The following PDE4D variants were observed in gnomAD, a reference collection of about 807,000 sequenced individuals.
PDE4D encodes 3',5'-cyclic-AMP phosphodiesterase 4D.
PDE4D carries 24 observed loss-of-function variants against 87.4 expected under a neutral mutation model. The observed-to-expected ratio is 0.27, with a 90% confidence interval of 0.20 to 0.39. The LOEUF is 0.39. Ranked by LOEUF, PDE4D falls within the 10% of genes least tolerant of loss-of-function variation. The pLI is 1.00. For synonymous variants in PDE4D, 384 were observed against 383.2 expected, an observed-to-expected ratio of 1.00 and a Z score of -0.02; for missense variants, 714 against 1,041.0, an observed-to-expected ratio of 0.69 and a Z score of 4.32.
intron 1 of PDE4D, among the ~76,000 whole-genome samples, chr5:59,811,585 G>T (rs898516547): frequency 6.6e-6 from 1 of 152,118 alleles, no homozygotes; most frequent in African/African-American, 2.4e-5. Context: ...ATGAGCTCAG[G>T]TTTCCAGAAA....
intron 3 of PDE4D, among the ~76,000 whole-genome samples, chr5:59,940,662 A>C (rs528391340): frequency 1.3e-5 from 2 of 152,294 alleles, no homozygotes; most frequent in African/African-American, 4.8e-5. Flanking sequence ...CCTTTGAGAC[A>C]TATGGATAGA....
intron 1 of PDE4D, among the ~76,000 whole-genome samples, chr5:59,316,570 C>T (rs1773788456): frequency 6.6e-6 from 1 of 152,074 alleles, no homozygotes; most frequent in African/African-American, 2.4e-5. Context: ...AAACTGTACT[C>T]ACATGTTCAG....
At chr5:60,150,908 C>T (rs1392992010) in intron 2 of PDE4D, among the ~76,000 whole-genome samples, 2 of 152,152 alleles carry the variant, frequency 1.3e-5, no homozygotes, top group African/African-American at 4.8e-5. Context: ...ATCACAGCCC[C>T]TTATCATAAA....
At chr5:60,156,881 G>A (rs900477520) in intron 2 of PDE4D, among the ~76,000 whole-genome samples, 1 of 152,032 alleles carries the variant, frequency 6.6e-6, no homozygotes, top group Non-Finnish European at 1.5e-5. Flanking sequence ...ATGAAAGAGA[G>A]TTGTCATAAT....
chr5:59,978,836 A>G (rs768337894), intron 3 of PDE4D, among the ~76,000 whole-genome samples: 2 of 152,196 alleles, frequency 1.3e-5, no homozygotes, highest in Non-Finnish European at 2.9e-5. Flanking sequence ...TTGATCAGTC[A>G]GCAGTCATGA....
intron 1 of PDE4D, among the ~76,000 whole-genome samples, chr5:60,238,297 A>C (rs2149648583): frequency 6.6e-6 from 1 of 152,086 alleles, no homozygotes; most frequent in South Asian, 2.1e-4. Flanking sequence ...TTTTATTTGT[A>C]CTTTCTTCTG....
chr5:60,275,411 G>T (rs1053712904), intron 1 of PDE4D, among the ~76,000 whole-genome samples: 1 of 152,046 alleles, frequency 6.6e-6, no homozygotes, highest in Non-Finnish European at 1.5e-5. Flanking sequence ...GAAAGATGCT[G>T]CATCATCCTT....
chr5:59,336,318 A>C (rs952473580), intron 1 of PDE4D, among the ~76,000 whole-genome samples: 2 of 152,226 alleles, frequency 1.3e-5, no homozygotes, highest in East Asian at 3.8e-4. Context: ...CTTTCGTAGA[A>C]AAAATTTTGT....
At chr5:59,221,254 G>A (rs1362666388) in intron 1 of PDE4D, among the ~76,000 whole-genome samples, 1 of 152,120 alleles carries the variant, frequency 6.6e-6, no homozygotes, top group Non-Finnish European at 1.5e-5. Flanking sequence ...ATACCTTTTA[G>A]CTTCCTCACC....
At chr5:58,977,162 C>T in intron 12 of PDE4D, 29 bp downstream of exon 12, 1 of 1,587,474 alleles carries the variant, frequency 6.3e-7, no homozygotes, top group Non-Finnish European at 8.6e-7. Flanking sequence ...CATCACAGTT[C>T]TCTTCTTTGG....
At chr5:60,444,940 G>C (rs954482980) in intron 1 of PDE4D, among the ~76,000 whole-genome samples, 2 of 151,388 alleles carry the variant, frequency 1.3e-5, no homozygotes, top group African/African-American at 4.9e-5. Context: ...CACCGAAATG[G>C]TGTCTACAAA....
chr5:59,361,132 T>G (rs889242577), intron 1 of PDE4D, among the ~76,000 whole-genome samples: 6 of 152,118 alleles, frequency 3.9e-5, no homozygotes, highest in African/African-American at 1.4e-4. Flanking sequence ...ACAAAGCTCC[T>G]TCTAAAGCTT....
intron 1 of PDE4D, among the ~76,000 whole-genome samples, chr5:59,435,438 G>T (rs1441550019): frequency 2.0e-5 from 3 of 152,122 alleles, no homozygotes; most frequent in Non-Finnish European, 4.4e-5. Flanking sequence ...GCCCACTGGG[G>T]CTTCCCAAAT....
intron 1 of PDE4D, among the ~76,000 whole-genome samples, chr5:60,185,935 T>TAAA (rs1784741967): frequency 1.1e-5 from 1 of 91,188 alleles, no homozygotes. Context: ...TTTTAGTGGC[T>TAAA]GAAAAAAAAA....
intron 1 of PDE4D, among the ~76,000 whole-genome samples, chr5:60,335,967 C>T (rs1319945651): frequency 1.3e-5 from 2 of 152,182 alleles, no homozygotes; most frequent in Non-Finnish European, 2.9e-5. Flanking sequence ...AAACTATTAT[C>T]AAGCAGCTTA....
At chr5:59,858,311 A>C (rs1745759138) in intron 1 of PDE4D, among the ~76,000 whole-genome samples, 1 of 152,008 alleles carries the variant, frequency 6.6e-6, no homozygotes, top group Non-Finnish European at 1.5e-5. Context: ...TGGAGGGCCT[A>C]GAATTTCCCT....
chr5:59,590,598 C>T lies in PDE4D; in HGVS notation c.455+302570G>A, dbSNP rs190085713. On this transcript the variant is annotated intron_variant, in intron 1 of 14. Transcript: ENST00000340635. ...CATTATTTTTATCAATACAGGAGTG[C>T]GAATTATTAGCAGGGCACCACAAAT... 1.7e-3 allele frequency among the ~76,000 whole-genome samples: 254 copies of T among 152,126 alleles called. 1 individual carries two copies. The highest frequency in any genetic ancestry group is 5.6e-3 in the African/African-American group (231 of 41,500).
intron 2 of PDE4D, among the ~76,000 whole-genome samples, chr5:60,078,682 C>T (rs1773590938): frequency 6.6e-6 from 1 of 152,162 alleles, no homozygotes; most frequent in Admixed American, 6.5e-5. Flanking sequence ...TGATGGCTTC[C>T]AGCTTCATCC....
intron 1 of PDE4D, among the ~76,000 whole-genome samples, chr5:59,709,510 C>T (rs917390229): frequency 2.0e-5 from 3 of 152,202 alleles, no homozygotes; most frequent in African/African-American, 7.2e-5. Flanking sequence ...GCCAGAAACA[C>T]AGCAGGGAGT....
Sources: allele counts gnomAD v4.1 joint callset (sites outside exome capture counted in the v4.1 genomes callset), GRCh38; gene constraint gnomAD v4.1.1; transcripts MANE v1.5; gene names NCBI Gene and HGNC (gene_info 2026-07-23, HGNC 2026-07-21).